EIF4G3: variants seen among roughly 807,000 people sequenced by gnomAD.
EIF4G3 encodes eukaryotic translation initiation factor 4 gamma 3.
EIF4G3 carries 34 observed loss-of-function variants against 186.4 expected under a neutral mutation model. The observed-to-expected ratio is 0.18, with a 90% CI of 0.14 to 0.24. The LOEUF is 0.24. Among genes scored for constraint, EIF4G3 ranks in the 10% least tolerant of loss-of-function variants. EIF4G3 has a pLI of 1.00. For synonymous variants in EIF4G3, 673 were observed against 679.5 expected, an observed-to-expected ratio of 0.99 and a Z score of 0.15; for missense variants, 1,536 against 1,948.5, an observed-to-expected ratio of 0.79 and a Z score of 3.99.
In EIF4G3 at chr1:20,827,697, C is replaced by G; in HGVS notation, c.4189G>C (p.Glu1397Gln). The G allele has an allele frequency of 6.2e-7, 1 of 1,605,910 alleles. No homozygotes were observed. Among genetic ancestry groups the G allele is most frequent in the Non-Finnish European group, 8.5e-7 (1 of 1,173,070 alleles). ...GGISMRELTI[E>Q]FSKPLLPVGR... The stretch of plus-strand genomic sequence containing the variant: ...ACAGGAAGTAAAGGTTTGCTAAATT[C>G]TCTGTAAAAGATAGGAGCAGTGATT... The change falls in exon 32 of 37, where the codon GAA becomes CAA. Residue 1397 changes from glutamate to glutamine, a missense_variant and splice_region_variant. This residue lies in a region of EIF4G3 where 395 missense variants were observed against 498.9 expected (regional missense o/e 0.79). Coordinates refer to ENST00000602326, the MANE Select transcript of EIF4G3 (RefSeq NM_001391906.1).
chr1:21,099,258 T>G (rs1369584999), intron 2 of EIF4G3, among the ~76,000 whole-genome samples: 3 of 152,208 alleles, frequency 2.0e-5, no homozygotes, highest in Non-Finnish European at 4.4e-5. Context: ...GCAGTCCCAC[T>G]CATAGGTATT....
At chr1:20,980,522 A>G (rs1174028288) in intron 9 of EIF4G3, 74 bp from the exon 10 acceptor site, 15 of 1,023,720 alleles carry the variant, frequency 1.5e-5, no homozygotes, top group Non-Finnish European at 2.1e-5. Context: ...AAATAATAAG[A>G]AAGTAGCTTA....
intron 14 of EIF4G3, among the ~76,000 whole-genome samples, chr1:20,928,296 C>T (rs12407731): frequency 0.39 from 59,387 of 151,972 alleles, 12,231 homozygotes; most frequent in Non-Finnish European, 0.45. Flanking sequence ...CCTGTATCTC[C>T]GATACTGTCA....
At chr1:21,122,939 GGCAAAAT>G (rs2102379370) in intron 2 of EIF4G3, among the ~76,000 whole-genome samples, 1 of 152,156 alleles carries the variant, frequency 6.6e-6, no homozygotes, top group African/African-American at 2.4e-5. Flanking sequence ...AATGTATTAG[GGCAAAAT>G]TACACGGTTG....
intron 2 of EIF4G3, among the ~76,000 whole-genome samples, chr1:21,097,213 C>T (rs1441200384): frequency 6.6e-6 from 1 of 152,116 alleles, no homozygotes; most frequent in African/African-American, 2.4e-5. Context: ...TTTGTATTTC[C>T]TTTCTGGAGT....
rs2058193138 is a variant in EIF4G3 at position 20,806,906 on chromosome 1, T to G, written c.*413A>C. On this transcript the variant is annotated 3_prime_UTR_variant, in exon 37 of 37. Coordinates refer to ENST00000602326, the MANE Select transcript of EIF4G3 (RefSeq NM_001391906.1). ...CATCTTGAAGGGGAGGGAAATTTATTTCTCTGCTTTTCTATTATACAAGTT... is the reference window on the plus strand; with the variant it reads ...CATCTTGAAGGGGAGGGAAATTTATGTCTCTGCTTTTCTATTATACAAGTT... 1.3e-5 allele frequency: 2 copies of G among 152,910 alleles called. No individual in the cohort carries two copies. Among genetic ancestry groups the G allele is most frequent in the Admixed American group, 1.3e-4 (2 of 15,280 alleles). 9.5% of individuals were successfully genotyped at this position (152,910 alleles called of 1,614,324 possible).
At chr1:20,939,304 T>C (rs2095626268) in intron 14 of EIF4G3, among the ~76,000 whole-genome samples, 1 of 152,082 alleles carries the variant, frequency 6.6e-6, no homozygotes, top group Non-Finnish European at 1.5e-5. Context: ...AAACCTCTGT[T>C]ATTCCAAGTC....
At chr1:20,927,775 A>G (rs952201551) in intron 14 of EIF4G3, among the ~76,000 whole-genome samples, 3 of 152,348 alleles carry the variant, frequency 2.0e-5, no homozygotes, top group Admixed American at 6.5e-5. Context: ...TCTGATCATG[A>G]AGAACCACTC....
At chr1:21,033,548 T>C (rs1003625227) in intron 4 of EIF4G3, among the ~76,000 whole-genome samples, 2 of 152,200 alleles carry the variant, frequency 1.3e-5, no homozygotes, top group African/African-American at 4.8e-5. Flanking sequence ...GCACTGTTAT[T>C]TCTATTGAAC....
intron 29 of EIF4G3, among the ~76,000 whole-genome samples, chr1:20,844,046 C>T (rs1290269236): frequency 1.3e-5 from 2 of 152,140 alleles, no homozygotes; most frequent in African/African-American, 2.4e-5. Flanking sequence ...TTTCTTTATC[C>T]ACTCTATCGT....
At chr1:21,026,324 A>C (rs2092082322) in intron 4 of EIF4G3, among the ~76,000 whole-genome samples, 1 of 152,216 alleles carries the variant, frequency 6.6e-6, no homozygotes, top group Non-Finnish European at 1.5e-5. Flanking sequence ...TGGTTCTGGG[A>C]GAAATTAGAT....
intron 18 of EIF4G3, among the ~76,000 whole-genome samples, chr1:20,887,752 G>A (rs1304177553): frequency 6.6e-6 from 1 of 151,592 alleles, no homozygotes; most frequent in Non-Finnish European, 1.5e-5. Flanking sequence ...TACCAACAGG[G>A]AACAGTTGTT....
intron 14 of EIF4G3, among the ~76,000 whole-genome samples, chr1:20,933,260 T>C (rs957946328): frequency 3.9e-5 from 6 of 152,246 alleles, no homozygotes; most frequent in Non-Finnish European, 7.4e-5. Context: ...GGGGCAAAAC[T>C]GGGACCAAGG....
chr1:21,175,622 C>T (rs958637949), intron 2 of EIF4G3: 5 of 152,214 alleles, frequency 3.3e-5, no homozygotes, highest in Non-Finnish European at 7.3e-5. Context: ...TCCAGAGGAA[C>T]TGCTTTCTGT....
At chr1:21,037,842 G>A (rs1439837178) in intron 4 of EIF4G3, among the ~76,000 whole-genome samples, 10 of 152,128 alleles carry the variant, frequency 6.6e-5, no homozygotes, top group Admixed American at 4.6e-4. Context: ...GTTCCTAATC[G>A]GCTGTGGGAT....
At chr1:21,159,095 G>T (rs1171904583) in intron 2 of EIF4G3, among the ~76,000 whole-genome samples, 1 of 152,072 alleles carries the variant, frequency 6.6e-6, no homozygotes, top group African/African-American at 2.4e-5. Context: ...CAAGAATTAA[G>T]AACACGATTG....
chr1:20,914,325 C>T (rs1227767170), intron 14 of EIF4G3, among the ~76,000 whole-genome samples: 1 of 151,700 alleles, frequency 6.6e-6, no homozygotes, highest in Non-Finnish European at 1.5e-5. Flanking sequence ...CTAGATTAAC[C>T]CAGTGGATCC....
At chr1:21,176,433 C>T in intron 1 of EIF4G3, 75 bp from the exon 2 acceptor site, 1 of 173,286 alleles carries the variant, frequency 5.8e-6, no homozygotes, top group Non-Finnish European at 1.2e-5. Context: ...CGGGACCGGG[C>T]GCGCCGGGGT....
At chr1:20,873,001 T>A (rs1255580226) in intron 20 of EIF4G3, among the ~76,000 whole-genome samples, 1 of 152,236 alleles carries the variant, frequency 6.6e-6, no homozygotes, top group African/African-American at 2.4e-5. Flanking sequence ...CCTCCCAAAG[T>A]GCTGGAATTA....
Sources: gnomAD v4.1 joint callset for allele counts (sites outside exome capture counted in the v4.1 genomes callset) on GRCh38, gnomAD v4.1.1 for gene constraint, gnomAD v4.1.1 regional missense constraint, MANE v1.5 for transcripts, NCBI Gene and HGNC (gene_info 2026-07-23, HGNC 2026-07-21) for gene names.